The following METTL23 variants were observed in gnomAD, a reference collection of about 807,000 sequenced individuals.
METTL23 encodes the protein methyltransferase 23, arginine.
In METTL23, 24 loss-of-function variants were observed where a neutral mutation model predicts 21.2. That is an observed-to-expected ratio of 1.13 (90% CI 0.82 to 1.59). The LOEUF (loss-of-function observed/expected upper bound fraction) is 1.59. Among genes scored for constraint, METTL23 ranks in the 40% most tolerant of loss-of-function variants. METTL23 has a pLI of 0.00. For missense variants in METTL23, 276 were observed against 221.4 expected, an observed-to-expected ratio of 1.25 and a Z score of -1.57; for synonymous variants, 97 against 75.2, an observed-to-expected ratio of 1.29 and a Z score of -1.50.
chr17:76,730,019 T>C (rs2077133530), intron 2 of METTL23, among the ~76,000 whole-genome samples: 1 of 152,180 alleles, frequency 6.6e-6, no homozygotes, highest in Admixed American at 6.6e-5. Flanking sequence ...CGGCTGGGCA[T>C]GGTGGCTCAC....
At position 76,727,078 on chromosome 17, in the gene METTL23, A is replaced by G. The variant is rs2076971457; in HGVS notation, c.-122A>G. The G allele has an allele frequency of 2.2e-6, 1 of 454,362 alleles. No homozygotes were observed. The highest frequency in any genetic ancestry group is 4.4e-6 in the Non-Finnish European group (1 of 226,248). The allele number at this position is 454,362 out of a possible 1,614,324, so 28.1% of individuals were successfully genotyped here. A position where few individuals can be genotyped will look rare whatever the true frequency, so the allele number is the denominator to read the frequency against. On this transcript the variant is annotated 5_prime_UTR_variant, in exon 1 of 5. Coordinates refer to ENST00000341249, the MANE Select transcript of METTL23 (RefSeq NM_001080510.5). ...CCCAACGACGCCCTACTGGGCGAGC[A>G]CGATTTCCGAGGACAGGGGGTCCGG...
At chr17:76,726,770 G>C (rs1457515386), upstream of METTL23, 52 of 450,642 alleles carry the variant, frequency 1.2e-4, no homozygotes, top group Admixed American at 1.6e-3. Context: ...TGTTGGGAAG[G>C]TCACGTCGGC....
At chr17:76,730,848 A>G (rs1393500990) in intron 2 of METTL23, among the ~76,000 whole-genome samples, 3 of 152,192 alleles carry the variant, frequency 2.0e-5, no homozygotes, top group Non-Finnish European at 2.9e-5. Context: ...TCATGCCTGT[A>G]ATCCCAGCAC....
chr17:76,728,032 G>A (rs2077024245), intron 1 of METTL23, among the ~76,000 whole-genome samples: 2 of 152,188 alleles, frequency 1.3e-5, no homozygotes, highest in South Asian at 4.1e-4. Context: ...TTGGGACCAG[G>A]AGTTCCAGAC....
intron 1 of METTL23, among the ~76,000 whole-genome samples, chr17:76,728,662 C>T (rs374853124): frequency 3.3e-5 from 5 of 152,150 alleles, no homozygotes; most frequent in Admixed American, 1.3e-4. Context: ...GCACCTGCCT[C>T]GGCCTACCAA....
At chr17:76,732,866 C>CTG (rs2077286878) in intron 2 of METTL23, 112 bp from the exon 3 acceptor site, 1 of 844,786 alleles carries the variant, frequency 1.2e-6, no homozygotes, top group Non-Finnish European at 1.9e-6. Context: ...CCCAGAAAGA[C>CTG]TGACTCTATG....
intron 2 of METTL23, chr17:76,732,678 G>C (rs1299706769): frequency 9.8e-6 from 4 of 406,736 alleles, no homozygotes; most frequent in Non-Finnish European, 4.5e-6. Flanking sequence ...CATGGCAGAG[G>C]AATCAAGTGC....
At chr17:76,730,231 G>A (rs2077144531) in intron 2 of METTL23, among the ~76,000 whole-genome samples, 2 of 151,926 alleles carry the variant, frequency 1.3e-5, no homozygotes, top group African/African-American at 4.8e-5. Flanking sequence ...GGAGGTTACA[G>A]TGAGCAAAGA....
upstream of METTL23, chr17:76,726,396 G>A (rs1283376312): frequency 6.2e-7 from 1 of 1,605,372 alleles, no homozygotes; most frequent in South Asian, 1.1e-5. Flanking sequence ...GTTGTGCCGG[G>A]TCCAATCCAG....
intron 2 of METTL23, among the ~76,000 whole-genome samples, chr17:76,730,457 A>G (rs2077155844): frequency 6.6e-6 from 1 of 152,076 alleles, no homozygotes; most frequent in South Asian, 2.1e-4. Flanking sequence ...GAAAAGTGTG[A>G]CAGAGATGAT....
intron 1 of METTL23, among the ~76,000 whole-genome samples, chr17:76,728,340 A>T (rs1239981181): frequency 1.4e-5 from 2 of 144,374 alleles, no homozygotes; most frequent in East Asian, 3.9e-4. Flanking sequence ...GGCTCAAGTG[A>T]TCCTCCCACC....
upstream of METTL23, chr17:76,726,450 A>T: frequency 6.2e-7 from 1 of 1,602,644 alleles, no homozygotes; most frequent in Non-Finnish European, 8.5e-7. Flanking sequence ...GGCCTCGCGG[A>T]TGCGCTTCTT....
At chr17:76,731,267 T>C (rs1479681340) in intron 2 of METTL23, among the ~76,000 whole-genome samples, 1 of 152,216 alleles carries the variant, frequency 6.6e-6, no homozygotes, top group Non-Finnish European at 1.5e-5. Context: ...AGAGCGAGAC[T>C]GCATCTCAAA....
intron 1 of METTL23, 60 bp from the exon 2 acceptor site, chr17:76,729,630 T>C (rs2077110834): frequency 6.8e-6 from 8 of 1,173,446 alleles, no homozygotes; most frequent in Non-Finnish European, 9.9e-6. Context: ...AATTGCTGTA[T>C]GAATGATTCC....
chr17:76,726,826 C>T (rs763342920), upstream of METTL23: 6 of 405,956 alleles, frequency 1.5e-5, no homozygotes, highest in South Asian at 9.2e-5. Context: ...CCCGCGCTGC[C>T]GCTGTGCCCA....
chr17:76,730,073 T>C (rs1339445651), intron 2 of METTL23, among the ~76,000 whole-genome samples: 2 of 151,004 alleles, frequency 1.3e-5, no homozygotes, highest in Non-Finnish European at 3.0e-5. Context: ...GGGTGCATCA[T>C]TTGAGGTCAG....
chr17:76,733,437 T>C (rs141450653), intron 4 of METTL23, 60 bp downstream of exon 4: 2 of 1,598,416 alleles, frequency 1.3e-6, no homozygotes, highest in East Asian at 2.2e-5. Flanking sequence ...ACCCTACCCA[T>C]GCGATACATA....
intron 2 of METTL23, among the ~76,000 whole-genome samples, chr17:76,730,970 T>G (rs1326892718): frequency 6.6e-6 from 1 of 152,142 alleles, no homozygotes; most frequent in Non-Finnish European, 1.5e-5. Context: ...CCGGGCCTGG[T>G]GGCGGGCGCC....
At chr17:76,727,740 CTTTTT>C (rs577689816) in intron 1 of METTL23, among the ~76,000 whole-genome samples, 1 of 152,050 alleles carries the variant, frequency 6.6e-6, no homozygotes, top group Non-Finnish European at 1.5e-5. Flanking sequence ...TTTTTCTTTT[CTTTTT>C]TTTGAGACAC....
Sources: gnomAD v4.1 joint callset for allele counts (sites outside exome capture counted in the v4.1 genomes callset) on GRCh38, gnomAD v4.1.1 for gene constraint, MANE v1.5 for transcripts, NCBI Gene and HGNC (gene_info 2026-07-23, HGNC 2026-07-21) for gene names.